VILL: variants seen among roughly 807,000 people sequenced by gnomAD.
VILL encodes the protein villin-like protein.
In VILL, 102 loss-of-function variants were observed where a neutral mutation model predicts 106.3. The ratio of observed to expected loss-of-function variants is 0.96; its 90% CI spans 0.82 to 1.13. The LOEUF (loss-of-function observed/expected upper bound fraction) is 1.13, where lower values mean the gene tolerates loss of function less well. Ranked by LOEUF, VILL falls within the 50% of genes most tolerant of loss-of-function variation. VILL has a pLI of 0.00. For synonymous variants in VILL, 431 were observed against 440.3 expected, an observed-to-expected ratio of 0.98 and a Z score of 0.27; for missense variants, 1,076 against 1,116.6, an observed-to-expected ratio of 0.96 and a Z score of 0.52.
chr3:37,991,989 G>A (rs980353593), intron 1 of VILL, among the ~76,000 whole-genome samples: 11 of 152,126 alleles, frequency 7.2e-5, no homozygotes, highest in African/African-American at 2.4e-4. Context: ...TACGGGCTGG[G>A]GCTGGATATC....
upstream of VILL, among the ~76,000 whole-genome samples, chr3:37,989,209 C>T (rs1326980487): frequency 2.6e-5 from 4 of 152,112 alleles, no homozygotes; most frequent in Non-Finnish European, 5.9e-5. Flanking sequence ...TCACACTGAA[C>T]GTGTTCCTGG....
At position 37,999,370 on chromosome 3, in the gene VILL, C is replaced by A; in HGVS notation, c.1113C>A (p.Gly371=). ...DKSIHVKLDV[G]KLHTQPKLAA... Reference sequence around the variant, plus strand: ...CGATTCATGTAAAGCTGGACGTGGGCAAGCTGCACACCCAGCCTAAGTTAG... The same window carrying A: ...CGATTCATGTAAAGCTGGACGTGGGAAAGCTGCACACCCAGCCTAAGTTAG... The change falls in exon 11 of 20, where the codon GGC becomes GGA. Residue 371 remains glycine, a synonymous_variant. Coordinates refer to ENST00000383759, the MANE Select transcript of VILL (RefSeq NM_015873.4). The A allele has an allele frequency of 6.6e-7, 1 of 1,512,854 alleles. No individual in the cohort carries two copies. Among genetic ancestry groups the A allele is most frequent in the South Asian group, 1.3e-5 (1 of 76,700 alleles). 93.7% of individuals were successfully genotyped at this position (1,512,854 alleles called of 1,614,324 possible). A position where few individuals can be genotyped will look rare whatever the true frequency, so the allele number is the denominator to read the frequency against.
chr3:38,004,858 G>A (rs780186914), intron 16 of VILL, among the ~76,000 whole-genome samples: 43 of 152,224 alleles, frequency 2.8e-4, no homozygotes, highest in Non-Finnish European at 4.1e-4. Flanking sequence ...TGCTAGAACT[G>A]GCCAGACCAG....
At position 37,998,607 on chromosome 3, in the gene VILL, C is replaced by T. The variant is rs191633966; in HGVS notation, c.942+243C>T. On this transcript the variant is annotated intron_variant, in intron 9 of 19. Coordinates refer to ENST00000383759, the MANE Select transcript of VILL (RefSeq NM_015873.4). The surrounding 1 kb of genome is among the most constrained non-coding windows in gnomAD (Gnocchi z 4.1). ...CGTGGCCCTGCCTTCAGGTCTGGGG[C>T]CCTACTGACTGGGCGGTCCCGCTTT... Among the ~76,000 whole-genome samples, 142 of 152,264 alleles carry T rather than the reference C, an allele frequency of 9.3e-4. No homozygotes were observed. Among genetic ancestry groups the T allele is most frequent in the African/African-American group, 3.2e-3 (133 of 41,560 alleles).
rs763686901 is a variant in VILL at position 38,006,262 on chromosome 3, G to C, written c.2205+10G>C. The C allele has an allele frequency of 6.2e-7, 1 of 1,614,120 alleles. No homozygotes were observed. The highest frequency in any genetic ancestry group is 1.1e-5 in the South Asian group (1 of 91,080). ...CTCTGAGATAACAGCAGTGAGTCCT[G>C]GGGCCCCTAGCCTTCCCCACAGTGG... On this transcript the variant is annotated intron_variant, in intron 18 of 19. Coordinates refer to ENST00000383759, the MANE Select transcript of VILL (RefSeq NM_015873.4).
intron 16 of VILL, among the ~76,000 whole-genome samples, chr3:38,005,087 G>C (rs1161395981): frequency 6.6e-6 from 1 of 152,064 alleles, no homozygotes; most frequent in Non-Finnish European, 1.5e-5. Context: ...GCTGTGTGGC[G>C]ATGGATGACT....
rs1407405692 is a variant in VILL, at chr3:37,998,086, CCA to C, written c.765-3_765-2del. 6.2e-7 allele frequency: 1 copy of C among 1,605,694 alleles called. No individual in the cohort carries two copies. Among genetic ancestry groups the C allele is most frequent in the African/African-American group, 1.3e-5 (1 of 74,666 alleles). On this transcript the variant is annotated splice_acceptor_variant and splice_polypyrimidine_tract_variant and intron_variant, in intron 7 of 19. Coordinates refer to ENST00000383759, the MANE Select transcript of VILL (RefSeq NM_015873.4). LOFTEE classifies it high-confidence loss of function. The surrounding 1 kb of genome is among the most constrained non-coding windows in gnomAD (Gnocchi z 4.1). ...TGGCCACTCCTGGGTTCCTGTCCCC[CCA>C]GTGTCTATGAGAAGGGCAAAGACCT... is the stretch of plus-strand genomic sequence containing the variant.
In VILL at chr3:38,001,871, C is replaced by T. The variant is rs764766410; in HGVS notation, c.1479+11C>T. On this transcript the variant is annotated intron_variant, in intron 13 of 19. Coordinates refer to ENST00000383759, the MANE Select transcript of VILL (RefSeq NM_015873.4). ...CTGGTGATCTTCCAGGTAGGTCTCACCTTGCCACTCTGGCCACAGCCTGCC... is the reference window on the plus strand; with the variant it reads ...CTGGTGATCTTCCAGGTAGGTCTCATCTTGCCACTCTGGCCACAGCCTGCC... 5.0e-6 allele frequency: 8 copies of T among 1,614,120 alleles called. No individual in the cohort carries two copies. The highest frequency in any genetic ancestry group is 1.7e-6 in the Non-Finnish European group (2 of 1,180,008).
Position 37,998,226 on chromosome 3 carries a change from G to C in VILL, c.844-40G>C, listed in dbSNP as rs1369532021. The C allele has an allele frequency of 1.2e-6, 2 of 1,613,960 alleles. No homozygotes were observed. The highest frequency in any genetic ancestry group is 1.7e-6 in the Non-Finnish European group (2 of 1,179,860). ...CTTCCCCATCCACAACCCCAGCCCA[G>C]TCTGGACCACCTACTGACCAGCCCC... On this transcript the variant is annotated intron_variant, in intron 8 of 19. Transcript: ENST00000383759. The surrounding 1 kb of genome is among the most constrained non-coding windows in gnomAD (Gnocchi z 4.1).
Position 37,993,598 on chromosome 3 carries a change from G to T in VILL, c.-75G>T. 9.2e-6 allele frequency: 13 copies of T among 1,418,002 alleles called. No homozygotes were observed. In the South Asian group the frequency reaches 1.5e-4, roughly 17 times the overall value. The allele number at this position is 1,418,002 out of a possible 1,614,324, so 87.8% of individuals were successfully genotyped here. On this transcript the variant is annotated 5_prime_UTR_variant, in exon 2 of 20. Transcript: ENST00000383759. ...GTTCTATAATGAAGTTGTACAGGTA[G>T]CCAGGTGTCGGTCTCCAGCCTGAGA...
intron 1 of VILL, chr3:37,991,269 G>C (rs1170148374): frequency 6.5e-6 from 1 of 153,724 alleles, no homozygotes; most frequent in Non-Finnish European, 1.4e-5. Context: ...CGAGGAGAGA[G>C]GAGGCACCCA....
Position 38,002,527 on chromosome 3 carries a change from CA to C in VILL, c.1612del (p.Ile538SerfsTer136), listed in dbSNP as rs1559367248. The C allele has an allele frequency of 6.2e-7, 1 of 1,614,222 alleles. No individual in the cohort carries two copies. Among genetic ancestry groups the C allele is most frequent in the South Asian group, 1.1e-5 (1 of 91,088 alleles). ...GTGCCTCATCCCTCAACTCCAGTGA[CA>C]TCTTCTTGCTGGTCACAGCCAGCGT... ...ARASSLNSSD[I>X]FLLVTASVCY... On this transcript the variant is annotated frameshift_variant, in exon 14 of 20. Coordinates refer to ENST00000383759, the MANE Select transcript of VILL (RefSeq NM_015873.4). LOFTEE classifies it high-confidence loss of function.
chr3:37,994,033 A>G, intron 3 of VILL, 61 bp downstream of exon 3: 4 of 1,590,376 alleles, frequency 2.5e-6, no homozygotes, highest in Non-Finnish European at 3.5e-6. Flanking sequence ...GGGGAGACTG[A>G]GGCACAGGCA....
Position 37,998,972 on chromosome 3 carries a change from G to T in VILL, c.1003G>T (p.Ala335Ser). 1.2e-6 allele frequency: 2 copies of T among 1,610,258 alleles called. No individual in the cohort carries two copies. Among genetic ancestry groups the T allele is most frequent in the Non-Finnish European group, 1.7e-6 (2 of 1,178,474 alleles). The change falls in exon 10 of 20, where the codon GCC becomes TCC. Residue 335 changes from alanine to serine, a missense_variant. Ala to Ser is a moderately conservative substitution (Grantham distance 99, BLOSUM62 1). Coordinates refer to ENST00000383759, the MANE Select transcript of VILL (RefSeq NM_015873.4). The surrounding 1 kb of genome is among the most constrained non-coding windows in gnomAD (Gnocchi z 4.1). ...CAACGTGGAGGTGGTGAACGACGGC[G>T]CCGAGTCGGCCGCGTTCAAGCAGCT... ...YTNVEVVNDG[A>S]ESAAFKQLFR... is the part of the protein sequence containing the mutation.
Position 37,999,339 on chromosome 3 carries a change from A to G in VILL, c.1082A>G (p.Asp361Gly), listed in dbSNP as rs1352311613. 4.0e-6 allele frequency: 6 copies of G among 1,514,348 alleles called. No homozygotes were observed. The highest frequency in any genetic ancestry group is 2.5e-5 in the East Asian group (1 of 40,174). The allele number at this position is 1,514,348 out of a possible 1,614,324, so 93.8% of individuals were successfully genotyped here. Reference protein sequence around the residue: ...RRRNQKLGGRDKSIHVKLDVG... With the variant: ...RRRNQKLGGRGKSIHVKLDVG... ...CTGACGCCTACTGTCCCCCCTTCAG[A>G]TAAATCGATTCATGTAAAGCTGGAC... The change falls in exon 11 of 20, where the codon GAT becomes GGT. Residue 361 changes from aspartate to glycine, a missense_variant and splice_region_variant. Coordinates refer to ENST00000383759, the MANE Select transcript of VILL (RefSeq NM_015873.4).
rs1699929421 is a variant in VILL, at chr3:38,006,524, G to A, written c.2281G>A (p.Gly761Ser). 1 of 1,613,078 alleles carries A rather than the reference G, an allele frequency of 6.2e-7. No homozygotes were observed. Among genetic ancestry groups the A allele is most frequent in the Non-Finnish European group, 8.5e-7 (1 of 1,179,150 alleles). Residue 761 changes from glycine (G) to serine (S), a missense_variant, in exon 19 of 20, where the codon GGC (glycine) becomes AGC (serine). Coordinates refer to ENST00000383759, the MANE Select transcript of VILL (RefSeq NM_015873.4). The stretch of plus-strand genomic sequence containing the variant: ...TGCCGTGGCCCTGCAGGCCCTCAAG[G>A]GCTCCCAGGACAGCTCAGAGAATGA... ...AGAVALQALK[G>S]SQDSSENDLV...
chr3:37,999,119 G>C, intron 10 of VILL, 69 bp downstream of exon 10: 1 of 468,976 alleles, frequency 2.1e-6, no homozygotes, highest in Middle Eastern at 8.5e-4. Context: ...GCAGGAATCG[G>C]CAACTCGTTG....
rs1699854415 is a variant in VILL, at chr3:38,003,290, G to T, written c.1782G>T (p.Arg594=). 3 of 1,611,876 alleles carry T rather than the reference G, an allele frequency of 1.9e-6. No individual in the cohort carries two copies. Among genetic ancestry groups the T allele is most frequent in the Middle Eastern group, 1.6e-4 (1 of 6,074 alleles). The change falls in exon 15 of 20, where the codon CGG becomes CGT. Residue 594 remains arginine (R), a synonymous_variant. Transcript: ENST00000383759. ...PPHFWEALGG[R]APYPSNKRLP... is the part of the protein sequence containing the mutation. ...ACTTCTGGGAGGCCCTGGGAGGCCGGGCCCCCTACCCCAGCAACAAGAGGT... is the reference window on the plus strand; with the variant it reads ...ACTTCTGGGAGGCCCTGGGAGGCCGTGCCCCCTACCCCAGCAACAAGAGGT...
At chr3:38,004,540 T>G in intron 16 of VILL, 141 bp downstream of exon 16, 1 of 1,106,278 alleles carries the variant, frequency 9.0e-7, no homozygotes, top group South Asian at 1.5e-5. Context: ...GCAATTGCAT[T>G]GCGGTGCATA....
Sources: allele counts gnomAD v4.1 joint callset (sites outside exome capture counted in the v4.1 genomes callset), GRCh38; gene constraint gnomAD v4.1.1; non-coding constraint Gnocchi (gnomAD v3.1); transcripts MANE v1.5; gene names NCBI Gene and HGNC (gene_info 2026-07-23, HGNC 2026-07-21).